The following HMHB1 variants were observed in gnomAD, a reference collection of about 807,000 sequenced individuals.
The protein encoded by HMHB1 is histocompatibility minor HB-1, also known as minor histocompatibility protein HB-1.
A neutral mutation model predicts 2.4 loss-of-function variants in HMHB1; 4 were observed. The ratio of observed to expected loss-of-function variants is 1.65; its 90% CI spans 0.81 to 3.77. The LOEUF is 3.77. Ranked by LOEUF, HMHB1 falls within the 30% of genes most tolerant of loss-of-function variation. HMHB1 has a pLI of 0.01. For missense variants in HMHB1, 57 were observed against 44.2 expected (o/e 1.29, Z -0.82); for synonymous variants, 22 against 17.6 (o/e 1.25, Z -0.63).
intron 1 of HMHB1, among the ~76,000 whole-genome samples, chr5:143,815,128 C>T (rs1048002142): frequency 6.6e-6 from 1 of 152,198 alleles, no homozygotes; most frequent in African/African-American, 2.4e-5. Flanking sequence ...ACCTTTCTAA[C>T]AAAGTTCAGA....
At chr5:143,814,455 A>T (rs1759726304) in intron 1 of HMHB1, among the ~76,000 whole-genome samples, 1 of 152,230 alleles carries the variant, frequency 6.6e-6, no homozygotes, top group African/African-American at 2.4e-5. Context: ...CAGTTGACTT[A>T]CACTGGCCCC....
chr5:143,813,536 T>C (rs1474135938), intron 1 of HMHB1, among the ~76,000 whole-genome samples: 3 of 152,188 alleles, frequency 2.0e-5, no homozygotes, highest in Non-Finnish European at 4.4e-5. Flanking sequence ...AAGTAAAAAA[T>C]GGAAAGGGCA....
intron 1 of HMHB1, among the ~76,000 whole-genome samples, chr5:143,813,810 CT>C (rs1759718731): frequency 6.6e-6 from 1 of 151,786 alleles, no homozygotes; most frequent in South Asian, 2.1e-4. Context: ...ATGAACATAC[CT>C]TTTTTATTTC....
At chr5:143,817,898 ACAAAACTG>A (rs2126793997) in intron 1 of HMHB1, among the ~76,000 whole-genome samples, 1 of 152,340 alleles carries the variant, frequency 6.6e-6, no homozygotes, top group East Asian at 1.9e-4. Context: ...GCTGAAAACT[ACAAAACTG>A]CTGAAAGAAA....
intron 1 of HMHB1, among the ~76,000 whole-genome samples, chr5:143,819,863 GA>G (rs1443438559): frequency 2.0e-5 from 3 of 152,020 alleles, no homozygotes; most frequent in African/African-American, 7.2e-5. Flanking sequence ...TGGGCTTATG[GA>G]AAAACTGTTC....
At chr5:143,813,571 C>G (rs1220839873) in intron 1 of HMHB1, among the ~76,000 whole-genome samples, 1 of 152,206 alleles carries the variant, frequency 6.6e-6, no homozygotes, top group Non-Finnish European at 1.5e-5. Context: ...CATAAGTCAA[C>G]TGTTTCCATC....
At chr5:143,820,075 A>C (rs967152576) in intron 1 of HMHB1, among the ~76,000 whole-genome samples, 2 of 152,110 alleles carry the variant, frequency 1.3e-5, no homozygotes, top group Admixed American at 6.5e-5. Context: ...TGTATACATG[A>C]TTTTATTTCT....
chr5:143,813,335 G>C (rs931675865), intron 1 of HMHB1, among the ~76,000 whole-genome samples: 56 of 152,164 alleles, frequency 3.7e-4, no homozygotes, highest in African/African-American at 1.2e-3. Context: ...TTTCTTTCCA[G>C]GCAAAATAAA....
intron 1 of HMHB1, among the ~76,000 whole-genome samples, chr5:143,815,416 T>A (rs1248369727): frequency 6.6e-6 from 1 of 152,250 alleles, no homozygotes; most frequent in Non-Finnish European, 1.5e-5. Context: ...TCTTTAAAGC[T>A]AACAATGTTG....
At chr5:143,816,920 A>G (rs1468634652) in intron 1 of HMHB1, among the ~76,000 whole-genome samples, 1 of 152,190 alleles carries the variant, frequency 6.6e-6, no homozygotes, top group Non-Finnish European at 1.5e-5. Flanking sequence ...ATGGTATTGC[A>G]CTGTGGTTTT....
intron 1 of HMHB1, among the ~76,000 whole-genome samples, chr5:143,818,251 C>T (rs1182252995): frequency 5.3e-5 from 8 of 152,230 alleles, no homozygotes; most frequent in Admixed American, 2.0e-4. Context: ...TAACTCTTTG[C>T]CCATGACCTT....
At chr5:143,815,585 T>C (rs1254549211) in intron 1 of HMHB1, among the ~76,000 whole-genome samples, 2 of 151,574 alleles carry the variant, frequency 1.3e-5, no homozygotes. Flanking sequence ...TGGAGTGCAG[T>C]GGCGCAATCT....
chr5:143,817,879 A>C (rs1397021621), intron 1 of HMHB1, among the ~76,000 whole-genome samples: 1 of 152,224 alleles, frequency 6.6e-6, no homozygotes, highest in Non-Finnish European at 1.5e-5. Flanking sequence ...TGCAATGCAA[A>C]AATTCTAGGC....
At chr5:143,812,973 T>G (rs77617213) in intron 1 of HMHB1, among the ~76,000 whole-genome samples, 1 of 110,170 alleles carries the variant, frequency 9.1e-6, no homozygotes, top group Non-Finnish European at 1.8e-5. Flanking sequence ...TTGTTTGTTT[T>G]TTTGTCTTGT....
At chr5:143,820,410 T>C in intron 1 of HMHB1, 70 bp from the exon 2 acceptor site, 1 of 811,720 alleles carries the variant, frequency 1.2e-6, no homozygotes, top group South Asian at 1.5e-5. Flanking sequence ...TGGAGTTTTA[T>C]TAATCTAAAT....
chr5:143,813,535 A>C lies in HMHB1; in HGVS notation c.37+1231A>C, dbSNP rs886652258. On this transcript the variant is annotated intron_variant, in intron 1 of 1. Transcript: ENST00000289448. ...TGTTAGCTGAACTGAAAAGTAAAAA[A>C]TGGAAAGGGCATTTGTTGGGGCCAG... 8.5e-5 allele frequency among the ~76,000 whole-genome samples: 13 copies of C among 152,242 alleles called. 1 individual carries two copies. Among genetic ancestry groups the C allele is most frequent in the Admixed American group, 2.6e-4 (4 of 15,288 alleles).
rs2287659 is a variant in HMHB1, at chr5:143,820,213, G to A, written c.38-267G>A. On this transcript the variant is annotated intron_variant, in intron 1 of 1. Transcript: ENST00000289448. Reference sequence around the variant, plus strand: ...TTCTTAATTAAAACCACTGGTTTTCGTGGGAAATTCAATGAATAACATGCT... The same window carrying A: ...TTCTTAATTAAAACCACTGGTTTTCATGGGAAATTCAATGAATAACATGCT... Among the ~76,000 whole-genome samples the A allele has an allele frequency of 7.6e-4, 114 of 149,538 alleles. No individual in the cohort carries two copies. In the East Asian group the frequency reaches 0.013, roughly 17 times the overall value.
chr5:143,817,898 A>G (rs912781832), intron 1 of HMHB1, among the ~76,000 whole-genome samples: 3 of 152,222 alleles, frequency 2.0e-5, no homozygotes, highest in Non-Finnish European at 4.4e-5. Flanking sequence ...GCTGAAAACT[A>G]CAAAACTGCT....
chr5:143,812,340 G>A lies in HMHB1; in HGVS notation c.37+36G>A, dbSNP rs570070177. On this transcript the variant is annotated intron_variant, in intron 1 of 1. Transcript: ENST00000289448. Reference sequence around the variant, plus strand: ...GAGGAGGAGGGAGAACAGAGAGAGAGGGAAAGAGGCAGCGAAGGGGCAGAG... The same window carrying A: ...GAGGAGGAGGGAGAACAGAGAGAGAAGGAAAGAGGCAGCGAAGGGGCAGAG... 6 of 1,542,312 alleles carry A rather than the reference G, an allele frequency of 3.9e-6. No individual in the cohort carries two copies. The South Asian group carries it at 6.0e-5, about 15-fold the overall frequency.
Sources: gnomAD v4.1 joint callset for allele counts (sites outside exome capture counted in the v4.1 genomes callset) on GRCh38, gnomAD v4.1.1 for gene constraint, MANE v1.5 for transcripts, NCBI Gene and HGNC (gene_info 2026-07-23, HGNC 2026-07-21) for gene names.